Variants in SMG6 observed in about 807,000 individuals in gnomAD.
The protein encoded by SMG6 is telomerase-binding protein EST1A.
SMG6 carries 66 observed loss-of-function variants against 142.2 expected under a neutral mutation model. The observed-to-expected ratio is 0.46, with a 90% CI of 0.38 to 0.57. The LOEUF is 0.57. Among genes scored for constraint, SMG6 ranks in the 20% least tolerant of loss-of-function variants. The probability of loss-of-function intolerance (pLI) is 0.00; values close to 1 mark genes in which losing one functional copy is unlikely to be tolerated. For missense variants in SMG6, 1,793 were observed against 1,832.0 expected (o/e 0.98, Z 0.39); for synonymous variants, 779 against 702.4 (o/e 1.11, Z -1.72).
At chr17:2,116,171 A>G (rs1467157017) in intron 13 of SMG6, among the ~76,000 whole-genome samples, 2 of 152,066 alleles carry the variant, frequency 1.3e-5, no homozygotes, top group Non-Finnish European at 2.9e-5. Context: ...CCTCGGCCCA[A>G]GCAGTCTTCC....
At chr17:2,087,336 C>T in intron 13 of SMG6, 1 of 1,209,972 alleles carries the variant, frequency 8.3e-7, no homozygotes, top group African/African-American at 1.6e-5. Flanking sequence ...GCTGTGCAGG[C>T]TGGCTGCCCA....
chr17:2,266,776 T>C (rs1024233733), intron 8 of SMG6, among the ~76,000 whole-genome samples: 16 of 152,186 alleles, frequency 1.1e-4, no homozygotes, highest in Admixed American at 8.5e-4. Flanking sequence ...GTAGGGCTGA[T>C]GTACTTTGAG....
At chr17:2,251,858 T>C (rs967815714) in intron 8 of SMG6, among the ~76,000 whole-genome samples, 2 of 151,588 alleles carry the variant, frequency 1.3e-5, no homozygotes, top group African/African-American at 4.9e-5. Context: ...TCCCAGCACT[T>C]TGGGAGGCCG....
intron 10 of SMG6, among the ~76,000 whole-genome samples, chr17:2,193,787 G>T (rs1597568793): frequency 1.3e-5 from 2 of 152,318 alleles, no homozygotes; most frequent in African/African-American, 2.4e-5. Flanking sequence ...CAGAGGGAGA[G>T]GAAACCATTT....
intron 13 of SMG6, among the ~76,000 whole-genome samples, chr17:2,137,895 C>T (rs1375868576): frequency 1.3e-5 from 2 of 152,188 alleles, no homozygotes; most frequent in Non-Finnish European, 2.9e-5. Flanking sequence ...TGCCTGTCAA[C>T]CATGTCATTC....
intron 9 of SMG6, among the ~76,000 whole-genome samples, chr17:2,242,186 T>C (rs982747743): frequency 6.6e-6 from 1 of 151,546 alleles, no homozygotes; most frequent in Admixed American, 6.6e-5. Flanking sequence ...GAGTGAAAAG[T>C]AGTAAAGGAG....
chr17:2,226,606 A>C (rs1049168904), intron 10 of SMG6, among the ~76,000 whole-genome samples: 10 of 151,684 alleles, frequency 6.6e-5, no homozygotes, highest in Non-Finnish European at 1.2e-4. Flanking sequence ...AAACAAAAAA[A>C]AAACAAACAA....
chr17:2,168,071 T>C (rs2071395133), intron 13 of SMG6, among the ~76,000 whole-genome samples: 3 of 152,168 alleles, frequency 2.0e-5, no homozygotes, highest in Non-Finnish European at 4.4e-5. Context: ...CCTCACTATG[T>C]CACCCAGGCT....
intron 13 of SMG6, among the ~76,000 whole-genome samples, chr17:2,099,589 T>C (rs2068950471): frequency 6.6e-6 from 1 of 152,072 alleles, no homozygotes; most frequent in Non-Finnish European, 1.5e-5. Context: ...AGAAAGCCAT[T>C]TTAAGTTGCA....
intron 13 of SMG6, chr17:2,088,376 C>G (rs769655777): frequency 1.6e-5 from 16 of 985,404 alleles, no homozygotes; most frequent in Non-Finnish European, 1.9e-5. Flanking sequence ...CTTACAGGGT[C>G]TGTGGGAATT....
rs571647949 is a variant in SMG6 at position 2,218,261 on chromosome 17, C to A, written c.2869+18231G>T. ...ATTCGTTAGTAAAAAAATAAGATAA[C>A]CAAATAGGCCAGGCGCGGTGGCTCA... On this transcript the variant is annotated intron_variant, in intron 10 of 18. Transcript: ENST00000263073. Among the ~76,000 whole-genome samples the A allele has an allele frequency of 1.7e-4, 26 of 151,730 alleles. No homozygotes were observed. The South Asian group carries it at 5.4e-3, about 32-fold the overall frequency.
At chr17:2,084,794 A>G (rs1437257547) in intron 14 of SMG6, among the ~76,000 whole-genome samples, 1 of 152,232 alleles carries the variant, frequency 6.6e-6, no homozygotes, top group Non-Finnish European at 1.5e-5. Context: ...GGTAAAAAGA[A>G]GAGTCAACCT....
chr17:2,177,134 AGCT>A (rs2071674913), intron 12 of SMG6, among the ~76,000 whole-genome samples: 1 of 152,196 alleles, frequency 6.6e-6, no homozygotes, highest in South Asian at 2.1e-4. Context: ...GTAGAAAGGC[AGCT>A]GACGTCCAGG....
chr17:2,132,030 C>T lies in SMG6; in HGVS notation c.3357+40628G>A, dbSNP rs2070138027. ...GAGGTTGTAGTGAGCCAAGATGGCA[C>T]CACTGCACTCCAGCATTGGGTGACA... On this transcript the variant is annotated intron_variant, in intron 13 of 18. Transcript: ENST00000263073. 2.0e-5 allele frequency among the ~76,000 whole-genome samples: 3 copies of T among 151,972 alleles called. No individual in the cohort carries two copies. In the South Asian group the frequency reaches 6.2e-4, roughly 32 times the overall value.
chr17:2,154,871 C>CA (rs961622156), intron 13 of SMG6, among the ~76,000 whole-genome samples: 14 of 151,794 alleles, frequency 9.2e-5, no homozygotes, highest in African/African-American at 1.5e-4. Flanking sequence ...CTCATCTCTA[C>CA]AAAAAAATAC....
intron 4 of SMG6, among the ~76,000 whole-genome samples, chr17:2,297,025 AAG>A (rs1347914584): frequency 5.9e-5 from 9 of 151,558 alleles, no homozygotes; most frequent in Non-Finnish European, 8.8e-5. Context: ...AAAAAAAAAA[AAG>A]AAAGAAAGAA....
intron 14 of SMG6, 152 bp from the exon 15 acceptor site, chr17:2,082,108 C>T: frequency 1.4e-6 from 1 of 707,318 alleles, no homozygotes; most frequent in South Asian, 1.8e-5. Flanking sequence ...TCCCTCTACT[C>T]AGGCAAAGGG....
At chr17:2,290,808 T>C (rs957449548) in intron 6 of SMG6, among the ~76,000 whole-genome samples, 50 of 152,188 alleles carry the variant, frequency 3.3e-4, no homozygotes, top group African/African-American at 1.1e-3. Flanking sequence ...CCAAAAGATC[T>C]GAACACCTCA....
At chr17:2,070,019 T>C (rs190050943) in intron 15 of SMG6, among the ~76,000 whole-genome samples, 1 of 152,214 alleles carries the variant, frequency 6.6e-6, no homozygotes, top group East Asian at 1.9e-4. Flanking sequence ...AAACAAAAAG[T>C]AGACAAAAGA....
Sources: gnomAD v4.1 joint callset for allele counts (sites outside exome capture counted in the v4.1 genomes callset) on GRCh38, gnomAD v4.1.1 for gene constraint, MANE v1.5 for transcripts, NCBI Gene and HGNC (gene_info 2026-07-23, HGNC 2026-07-21) for gene names.